Variants in ABHD17B observed in about 807,000 individuals in gnomAD.
ABHD17B encodes the protein abhydrolase domain containing 17B, depalmitoylase.
In ABHD17B, 9 loss-of-function variants were observed where a neutral mutation model predicts 26.2. The observed-to-expected ratio is 0.34, with a 90% confidence interval of 0.21 to 0.60. ABHD17B has a LOEUF of 0.60. Ranked by LOEUF, ABHD17B falls within the 20% of genes least tolerant of loss-of-function variation. The pLI is 0.80. For synonymous variants in ABHD17B, 127 were observed against 122.3 expected (o/e 1.04, Z -0.25); for missense variants, 224 against 352.1 (o/e 0.64, Z 2.91).
At chr9:71,862,676 A>G (rs1010384496), downstream of ABHD17B, 6 of 722,528 alleles carry the variant, frequency 8.3e-6, no homozygotes, top group African/African-American at 4.1e-5. Flanking sequence ...GTGGCTTTCC[A>G]TAACTGTTTA....
intron 2 of ABHD17B, among the ~76,000 whole-genome samples, chr9:71,872,068 C>G (rs1826130801): frequency 6.6e-6 from 1 of 152,150 alleles, no homozygotes; most frequent in South Asian, 2.1e-4. Context: ...AAATAAAAGG[C>G]ATGTATTCTA....
chr9:71,893,859 G>A (rs1425558973), intron 1 of ABHD17B, among the ~76,000 whole-genome samples: 2 of 152,118 alleles, frequency 1.3e-5, no homozygotes, highest in African/African-American at 4.8e-5. Flanking sequence ...GTAGGCCAAG[G>A]CGGGTGGATC....
rs1589207273 is a variant in ABHD17B at position 71,866,668 on chromosome 9, T to C, written c.*119A>G. ...TTAAGTCTGTTAACAAATCATTACC[T>C]GTACATTTATGAAGGCAACTGACAT... On this transcript the variant is annotated 3_prime_UTR_variant, in exon 4 of 4. Transcript: ENST00000333421. 1 of 1,475,868 alleles carries C rather than the reference T, an allele frequency of 6.8e-7. No homozygotes were observed. The highest frequency in any genetic ancestry group is 9.0e-7 in the Non-Finnish European group (1 of 1,116,982). 91.4% of individuals were successfully genotyped at this position (1,475,868 alleles called of 1,614,324 possible). A position where few individuals can be genotyped will look rare whatever the true frequency, so the allele number is the denominator to read the frequency against.
At chr9:71,869,247 C>T (rs1826043331) in intron 3 of ABHD17B, among the ~76,000 whole-genome samples, 1 of 152,168 alleles carries the variant, frequency 6.6e-6, no homozygotes, top group Admixed American at 6.6e-5. Flanking sequence ...ACATACTTTC[C>T]CTACTAAAGT....
chr9:71,891,945 C>A (rs1487031484), intron 1 of ABHD17B, among the ~76,000 whole-genome samples: 2 of 152,098 alleles, frequency 1.3e-5, no homozygotes, highest in African/African-American at 2.4e-5. Context: ...TTGGACAGCA[C>A]GATAGCACAG....
chr9:71,901,614 T>C (rs1827144199), intron 1 of ABHD17B, among the ~76,000 whole-genome samples: 1 of 152,132 alleles, frequency 6.6e-6, no homozygotes, highest in Admixed American at 6.5e-5. Flanking sequence ...GTTACCTAGA[T>C]CTAAAAATCT....
At chr9:71,907,564 T>A (rs1352204834) in intron 1 of ABHD17B, among the ~76,000 whole-genome samples, 1 of 152,160 alleles carries the variant, frequency 6.6e-6, no homozygotes, top group East Asian at 1.9e-4. Flanking sequence ...CACGCTGGAG[T>A]GCAATGGTGC....
In ABHD17B at chr9:71,867,047, CTA is replaced by C. The variant is rs1477060490; in HGVS notation, c.648-43_648-42del. ...AAGGGGGAAAAATGCAATAAATTAA[CTA>C]TGTAAAGGAACATATTCTTGTGCTA... is the stretch of plus-strand genomic sequence containing the variant. On this transcript the variant is annotated intron_variant, in intron 3 of 3. Coordinates refer to ENST00000333421, the MANE Select transcript of ABHD17B (RefSeq NM_001025780.3). The C allele has an allele frequency of 1.9e-6, 3 of 1,596,484 alleles. No individual in the cohort carries two copies. The African/African-American group carries it at 4.0e-5, about 21-fold the overall frequency.
At chr9:71,909,308 T>G (rs1827374526) in intron 1 of ABHD17B, among the ~76,000 whole-genome samples, 1 of 152,214 alleles carries the variant, frequency 6.6e-6, no homozygotes, top group Admixed American at 6.5e-5. Context: ...TGACAATTAC[T>G]GCACAACAGA....
chr9:71,911,041 G>T lies in ABHD17B; in HGVS notation c.-411C>A. On this transcript the variant is annotated 5_prime_UTR_variant, in exon 1 of 4. The change creates a new upstream start codon in the 5' untranslated region. Transcript: ENST00000333421. Reference sequence around the variant, plus strand: ...TTTCTGGCACTGCAGACGCCACCCAGACCTAGCCAGGTCTTCCTTCTCTTT... The same window carrying T: ...TTTCTGGCACTGCAGACGCCACCCATACCTAGCCAGGTCTTCCTTCTCTTT... The T allele has an allele frequency of 6.5e-6, 1 of 153,652 alleles. No homozygotes were observed. Among genetic ancestry groups the T allele is most frequent in the South Asian group, 1.8e-4 (1 of 5,550 alleles). The allele number at this position is 153,652 out of a possible 1,614,324, so 9.5% of individuals were successfully genotyped here. A position where few individuals can be genotyped will look rare whatever the true frequency, so the allele number is the denominator to read the frequency against.
At chr9:71,892,617 T>C (rs1826820651) in intron 1 of ABHD17B, among the ~76,000 whole-genome samples, 1 of 150,252 alleles carries the variant, frequency 6.7e-6, no homozygotes. Context: ...TAATATAAAA[T>C]TTATAAACAT....
At chr9:71,904,544 A>C (rs2132211699) in intron 1 of ABHD17B, among the ~76,000 whole-genome samples, 1 of 152,326 alleles carries the variant, frequency 6.6e-6, no homozygotes. Flanking sequence ...GCCATAATAA[A>C]AAGTGGTGAA....
chr9:71,866,347 C>A lies in ABHD17B; in HGVS notation c.*440G>T. On this transcript the variant is annotated 3_prime_UTR_variant, in exon 4 of 4. Coordinates refer to ENST00000333421, the MANE Select transcript of ABHD17B (RefSeq NM_001025780.3). ...ATGGTTTTAAATCTCTTTTACAGTT[C>A]ATTCCATTATGAGTACTTAAATTGC... The A allele has an allele frequency of 2.0e-6, 2 of 989,138 alleles. No individual in the cohort carries two copies. The highest frequency in any genetic ancestry group is 2.4e-6 in the Non-Finnish European group (2 of 829,286). The allele number at this position is 989,138 out of a possible 1,614,324, so 61.3% of individuals were successfully genotyped here.
intron 1 of ABHD17B, among the ~76,000 whole-genome samples, chr9:71,910,118 A>C (rs1029907363): frequency 6.6e-6 from 1 of 152,098 alleles, no homozygotes; most frequent in Admixed American, 6.6e-5. Context: ...GGAATACACA[A>C]ATCGCCAAGC....
At chr9:71,900,901 G>C (rs187508951) in intron 1 of ABHD17B, among the ~76,000 whole-genome samples, 1 of 152,162 alleles carries the variant, frequency 6.6e-6, no homozygotes, top group Non-Finnish European at 1.5e-5. Flanking sequence ...TGTAATCCCA[G>C]CACTTTGGGA....
At chr9:71,872,834 T>C (rs1481356498) in intron 2 of ABHD17B, among the ~76,000 whole-genome samples, 1 of 152,060 alleles carries the variant, frequency 6.6e-6, no homozygotes, top group East Asian at 1.9e-4. Context: ...AACTTTACCA[T>C]CCCCCATCAA....
At chr9:71,905,185 C>T (rs772082901) in intron 1 of ABHD17B, among the ~76,000 whole-genome samples, 2 of 151,142 alleles carry the variant, frequency 1.3e-5, no homozygotes, top group African/African-American at 4.9e-5. Context: ...TGTGGTGGCG[C>T]GATCTCGGCT....
chr9:71,909,134 C>T (rs774876681), intron 1 of ABHD17B, among the ~76,000 whole-genome samples: 1 of 152,204 alleles, frequency 6.6e-6, no homozygotes, highest in Non-Finnish European at 1.5e-5. Flanking sequence ...AGCTACTCAT[C>T]AACTAGAATA....
chr9:71,906,540 T>G (rs1827290329), intron 1 of ABHD17B, among the ~76,000 whole-genome samples: 2 of 152,170 alleles, frequency 1.3e-5, no homozygotes, highest in African/African-American at 4.8e-5. Context: ...CCGGGCACAG[T>G]GGCTCATGTC....
Sources: allele counts gnomAD v4.1 joint callset (sites outside exome capture counted in the v4.1 genomes callset), GRCh38; gene constraint gnomAD v4.1.1; transcripts MANE v1.5; gene names NCBI Gene and HGNC (gene_info 2026-07-23, HGNC 2026-07-21).